DNER: variants seen among roughly 807,000 people sequenced by gnomAD.
DNER encodes the protein delta and Notch-like epidermal growth factor-related receptor.
In DNER, 33 loss-of-function variants were observed where a neutral mutation model predicts 78.2. The ratio of observed to expected loss-of-function variants is 0.42; its 90% CI spans 0.32 to 0.56. The LOEUF is 0.56. DNER is among the 20% of genes least tolerant of loss of function. The probability of loss-of-function intolerance (pLI) is 0.11; values close to 1 mark genes in which losing one functional copy is unlikely to be tolerated. For synonymous variants in DNER, 417 were observed against 384.8 expected (o/e 1.08, Z -0.98); for missense variants, 918 against 975.3 (o/e 0.94, Z 0.78).
chr2:229,530,840 G>C (rs1280704449), intron 5 of DNER, among the ~76,000 whole-genome samples: 1 of 152,232 alleles, frequency 6.6e-6, no homozygotes, highest in Admixed American at 6.5e-5. Context: ...AGTATGGAAT[G>C]ATTCCCCTGT....
At chr2:229,474,112 G>T (rs914319801) in intron 7 of DNER, among the ~76,000 whole-genome samples, 6 of 152,078 alleles carry the variant, frequency 3.9e-5, no homozygotes, top group African/African-American at 1.4e-4. Flanking sequence ...TGCCATGTTG[G>T]TCAGGCTGGT....
At chr2:229,478,045 G>C (rs890624416) in intron 6 of DNER, among the ~76,000 whole-genome samples, 1 of 152,130 alleles carries the variant, frequency 6.6e-6, no homozygotes, top group African/African-American at 2.4e-5. Flanking sequence ...AAAATAAAAT[G>C]CTAATAAATT....
At chr2:229,554,643 C>T (rs755279355) in intron 4 of DNER, among the ~76,000 whole-genome samples, 8 of 151,956 alleles carry the variant, frequency 5.3e-5, no homozygotes, top group Non-Finnish European at 1.2e-4. Context: ...GAGCTGAGAT[C>T]GTGCCACTTC....
At chr2:229,630,479 A>AAATAAT (rs200043673) in intron 1 of DNER, among the ~76,000 whole-genome samples, 9,102 of 138,926 alleles carry the variant, frequency 0.066, 320 homozygotes, top group Middle Eastern at 0.084. Context: ...CTCCATCTCA[A>AAATAAT]AATAATAATA....
chr2:229,512,375 T>G (rs915957615), intron 6 of DNER, among the ~76,000 whole-genome samples: 4 of 86,526 alleles, frequency 4.6e-5, no homozygotes, highest in African/African-American at 1.3e-4. Flanking sequence ...AGTGAGACTC[T>G]GTCTCAAAAA....
intron 1 of DNER, among the ~76,000 whole-genome samples, chr2:229,656,041 G>A (rs577245812): frequency 1.3e-5 from 2 of 152,196 alleles, no homozygotes; most frequent in East Asian, 3.9e-4. Context: ...ACACCTTGAT[G>A]CCTGACTATG....
chr2:229,679,850 C>A (rs1179893707), intron 1 of DNER, among the ~76,000 whole-genome samples: 2 of 152,194 alleles, frequency 1.3e-5, no homozygotes, highest in African/African-American at 4.8e-5. Context: ...AAAACTGAGG[C>A]CAATTCCACC....
chr2:229,564,904 C>T (rs530548645), intron 4 of DNER, among the ~76,000 whole-genome samples: 1 of 152,158 alleles, frequency 6.6e-6, no homozygotes, highest in Non-Finnish European at 1.5e-5. Context: ...TTGAGTTCCA[C>T]TGAGGGCCCG....
At chr2:229,578,787 A>G (rs1401477386) in intron 4 of DNER, among the ~76,000 whole-genome samples, 1 of 152,218 alleles carries the variant, frequency 6.6e-6, no homozygotes, top group African/African-American at 2.4e-5. Flanking sequence ...GGAATAGTTT[A>G]CCCAGAAGGG....
chr2:229,581,033 G>A (rs866157468), intron 4 of DNER, among the ~76,000 whole-genome samples: 1 of 152,124 alleles, frequency 6.6e-6, no homozygotes, highest in African/African-American at 2.4e-5. Context: ...TGAGCTGCAG[G>A]GTAGAAGTCC....
At chr2:229,445,025 AG>A (rs1694311966) in intron 8 of DNER, among the ~76,000 whole-genome samples, 1 of 152,208 alleles carries the variant, frequency 6.6e-6, no homozygotes, top group Non-Finnish European at 1.5e-5. Flanking sequence ...TAAAGTATTA[AG>A]GAAGTTTTTG....
intron 1 of DNER, among the ~76,000 whole-genome samples, chr2:229,700,071 T>TA (rs939458433): frequency 1.0e-3 from 146 of 144,766 alleles, no homozygotes; most frequent in Admixed American, 3.4e-3. Flanking sequence ...GCAATTTCAT[T>TA]AAAAAAAAAA....
At chr2:229,603,352 T>C (rs1697868462) in intron 1 of DNER, among the ~76,000 whole-genome samples, 1 of 152,294 alleles carries the variant, frequency 6.6e-6, no homozygotes. Context: ...ACATGGCACA[T>C]GTATGCATAT....
intron 4 of DNER, among the ~76,000 whole-genome samples, chr2:229,555,514 A>C (rs983349559): frequency 6.6e-6 from 1 of 152,168 alleles, no homozygotes; most frequent in Admixed American, 6.6e-5. Flanking sequence ...TCTGAGCTCT[A>C]CCATGTCCAT....
At chr2:229,387,501 A>AAGAGAGAGAGAG (rs1353935134) in intron 11 of DNER, among the ~76,000 whole-genome samples, 200 of 97,316 alleles carry the variant, frequency 2.1e-3, no homozygotes, top group Non-Finnish European at 3.0e-3. Context: ...GAAAGAAAGA[A>AAGAGAGAGAGAG]AGAAAGAGAG....
At chr2:229,572,805 G>A (rs1056808130) in intron 4 of DNER, among the ~76,000 whole-genome samples, 2 of 152,162 alleles carry the variant, frequency 1.3e-5, no homozygotes, top group African/African-American at 4.8e-5. Context: ...TCAAAAAGAT[G>A]AGTAAACATA....
chr2:229,703,147 G>A (rs1348671222), intron 1 of DNER, among the ~76,000 whole-genome samples: 1 of 152,018 alleles, frequency 6.6e-6, no homozygotes. Flanking sequence ...CCTGATTTTA[G>A]GACTTACTAT....
At chr2:229,703,717 A>T (rs530822733) in intron 1 of DNER, among the ~76,000 whole-genome samples, 2 of 152,260 alleles carry the variant, frequency 1.3e-5, no homozygotes, top group South Asian at 4.2e-4. Context: ...CACCTCTATT[A>T]AAAATAAGAA....
At chr2:229,614,918 GC>G in intron 1 of DNER, among the ~76,000 whole-genome samples, 1 of 152,290 alleles carries the variant, frequency 6.6e-6, no homozygotes, top group Middle Eastern at 3.4e-3. Context: ...ATGTATAGTT[GC>G]TTTTATTTGC....
Sources: gnomAD v4.1 joint callset for allele counts (sites outside exome capture counted in the v4.1 genomes callset) on GRCh38, gnomAD v4.1.1 for gene constraint, MANE v1.5 for transcripts, NCBI Gene and HGNC (gene_info 2026-07-23, HGNC 2026-07-21) for gene names.